The following LRBA variants were observed in gnomAD, a reference collection of about 807,000 sequenced individuals.
LRBA encodes lipopolysaccharide-responsive and beige-like anchor protein.
LRBA carries 176 observed loss-of-function variants against 330.0 expected under a neutral mutation model. That is an observed-to-expected ratio of 0.53 (90% CI 0.47 to 0.60). LRBA has a LOEUF of 0.60. Among genes scored for constraint, LRBA ranks in the 20% least tolerant of loss-of-function variants. The probability of loss-of-function intolerance (pLI) is 0.00; values close to 1 mark genes in which losing one functional copy is unlikely to be tolerated. For missense variants in LRBA, 3,259 were observed against 3,444.8 expected (o/e 0.95, Z 1.35); for synonymous variants, 1,230 against 1,193.0 (o/e 1.03, Z -0.64).
At chr4:150,953,787 G>A (rs1303207324) in intron 2 of LRBA, among the ~76,000 whole-genome samples, 10 of 151,654 alleles carry the variant, frequency 6.6e-5, no homozygotes, top group Middle Eastern at 6.8e-3. Flanking sequence ...CCGCCACCCC[G>A]TCTAGGAAGT....
At chr4:150,392,160 C>G (rs1169027284) in intron 47 of LRBA, among the ~76,000 whole-genome samples, 1 of 152,142 alleles carries the variant, frequency 6.6e-6, no homozygotes, top group African/African-American at 2.4e-5. Context: ...CTCTCTTCTT[C>G]CTTTCTCAGT....
At chr4:150,533,727 T>C (rs975939181) in intron 40 of LRBA, among the ~76,000 whole-genome samples, 5 of 152,174 alleles carry the variant, frequency 3.3e-5, no homozygotes, top group African/African-American at 1.2e-4. Context: ...AAGCAGCTTC[T>C]TTCCCCCCAT....
intron 28 of LRBA, among the ~76,000 whole-genome samples, chr4:150,843,023 G>C (rs1749328249): frequency 6.6e-6 from 1 of 152,050 alleles, no homozygotes; most frequent in African/African-American, 2.4e-5. Flanking sequence ...TTCACAATAG[G>C]GTTCGTGCTC....
At chr4:150,695,441 G>A (rs963822777) in intron 36 of LRBA, among the ~76,000 whole-genome samples, 3 of 152,076 alleles carry the variant, frequency 2.0e-5, no homozygotes, top group African/African-American at 7.2e-5. Flanking sequence ...TCCCATTTCA[G>A]CCTCATGAGT....
chr4:150,462,461 A>G (rs1421012205), intron 44 of LRBA, among the ~76,000 whole-genome samples: 1 of 151,800 alleles, frequency 6.6e-6, no homozygotes, highest in Non-Finnish European at 1.5e-5. Context: ...ATGGAATAAA[A>G]GCTTATACAT....
intron 44 of LRBA, among the ~76,000 whole-genome samples, chr4:150,441,524 CTG>C (rs1294166644): frequency 1.3e-5 from 2 of 151,982 alleles, no homozygotes; most frequent in African/African-American, 2.4e-5. Context: ...TTAGTAAAAG[CTG>C]TAAAAAGGTA....
At chr4:150,599,624 A>G (rs1296088341) in intron 37 of LRBA, among the ~76,000 whole-genome samples, 1 of 152,214 alleles carries the variant, frequency 6.6e-6, no homozygotes, top group African/African-American at 2.4e-5. Context: ...AAATCATACC[A>G]TGAATTCTTG....
rs1001627710 is a variant in LRBA at position 150,277,216 on chromosome 4, T to G, written c.8468+637A>C. Among the ~76,000 whole-genome samples the G allele has an allele frequency of 6.1e-5, 9 of 147,030 alleles. No individual in the cohort carries two copies. In the East Asian group the frequency reaches 1.4e-3, roughly 23 times the overall value. ...TCATCTTCTCACTCATAAGTGGGAGTTGAACAAAGAGAACATATGGACACA... is the reference window on the plus strand; with the variant it reads ...TCATCTTCTCACTCATAAGTGGGAGGTGAACAAAGAGAACATATGGACACA... On this transcript the variant is annotated intron_variant, in intron 56 of 56. Transcript: ENST00000651943.
At chr4:150,567,389 CTATT>C (rs1769272265) in intron 40 of LRBA, among the ~76,000 whole-genome samples, 1 of 152,032 alleles carries the variant, frequency 6.6e-6, no homozygotes. Flanking sequence ...ATAACGGACA[CTATT>C]TAAGTTGTGG....
chr4:150,617,263 C>T (rs990002978), intron 37 of LRBA, among the ~76,000 whole-genome samples: 1 of 152,140 alleles, frequency 6.6e-6, no homozygotes, highest in Non-Finnish European at 1.5e-5. Flanking sequence ...TATGATTTAA[C>T]GATAAAACAC....
At chr4:150,676,444 G>A (rs1158326569) in intron 37 of LRBA, among the ~76,000 whole-genome samples, 6 of 152,150 alleles carry the variant, frequency 3.9e-5, no homozygotes, top group African/African-American at 1.4e-4. Context: ...AATGTGCATA[G>A]TAAGTGGTAT....
chr4:150,423,361 T>C (rs1749094707), intron 46 of LRBA: 5 of 673,392 alleles, frequency 7.4e-6, no homozygotes, highest in East Asian at 2.5e-5. Context: ...AAGGGTCTTC[T>C]GCCCACTTGC....
chr4:150,526,254 A>G (rs1763461215), intron 40 of LRBA, among the ~76,000 whole-genome samples: 1 of 152,206 alleles, frequency 6.6e-6, no homozygotes, highest in African/African-American at 2.4e-5. Flanking sequence ...ATGAGAAATT[A>G]TAATGGCTGT....
At chr4:150,628,750 T>C (rs977880493) in intron 37 of LRBA, among the ~76,000 whole-genome samples, 9 of 152,244 alleles carry the variant, frequency 5.9e-5, no homozygotes, top group African/African-American at 2.2e-4. Context: ...CAATAAAACC[T>C]ACTAGTTCAA....
intron 22 of LRBA, among the ~76,000 whole-genome samples, chr4:150,866,240 T>C (rs770374817): frequency 6.6e-6 from 1 of 152,216 alleles, no homozygotes; most frequent in Non-Finnish European, 1.5e-5. Flanking sequence ...ATGAAACTAA[T>C]AGATTTTAAT....
intron 30 of LRBA, among the ~76,000 whole-genome samples, chr4:150,818,561 TGTGC>T (rs140661252): frequency 0.017 from 2,376 of 141,904 alleles, 17 homozygotes; most frequent in Non-Finnish European, 0.023. Context: ...TGTGTGTGTG[TGTGC>T]GTGCACGAAT....
chr4:150,378,634 T>A (rs899808382), intron 47 of LRBA, among the ~76,000 whole-genome samples: 2 of 152,108 alleles, frequency 1.3e-5, no homozygotes, highest in Admixed American at 6.5e-5. Flanking sequence ...AGTAAAGGTG[T>A]TAGGCTGCTC....
At chr4:150,777,043 T>G (rs1434460510) in intron 34 of LRBA, among the ~76,000 whole-genome samples, 1 of 150,720 alleles carries the variant, frequency 6.6e-6, no homozygotes. Context: ...TGTACTTTTT[T>G]TAAAGTCAGT....
intron 40 of LRBA, among the ~76,000 whole-genome samples, chr4:150,559,917 T>TAA (rs1768073646): frequency 2.8e-5 from 2 of 72,642 alleles, no homozygotes; most frequent in South Asian, 6.2e-4. Flanking sequence ...ATATATAATA[T>TAA]ATAAATATAA....
Sources: allele counts gnomAD v4.1 joint callset (sites outside exome capture counted in the v4.1 genomes callset), GRCh38; gene constraint gnomAD v4.1.1; transcripts MANE v1.5; gene names NCBI Gene and HGNC (gene_info 2026-07-23, HGNC 2026-07-21).